BMP5: variants seen among roughly 807,000 people sequenced by gnomAD.
BMP5 encodes bone morphogenetic protein 5.
Under a neutral mutation model 46.6 loss-of-function variants are expected in BMP5, and 23 were observed. The ratio of observed to expected loss-of-function variants is 0.49; its 90% CI spans 0.35 to 0.70. The LOEUF is 0.70. Ranked by LOEUF, BMP5 falls within the 30% of genes least tolerant of loss-of-function variation. The pLI, the probability that BMP5 is intolerant of heterozygous loss-of-function variation, is 0.00. For missense variants in BMP5, 545 were observed against 565.6 expected, an observed-to-expected ratio of 0.96 and a Z score of 0.37; for synonymous variants, 204 against 191.9, an observed-to-expected ratio of 1.06 and a Z score of -0.52.
intron 3 of BMP5, among the ~76,000 whole-genome samples, chr6:55,792,349 C>T (rs1775591413): frequency 6.6e-6 from 1 of 151,870 alleles, no homozygotes; most frequent in Non-Finnish European, 1.5e-5. Context: ...CTGGCTAACA[C>T]GGTGAAACCC....
chr6:55,811,673 C>T (rs1442199721), intron 2 of BMP5, among the ~76,000 whole-genome samples: 5 of 151,606 alleles, frequency 3.3e-5, no homozygotes, highest in African/African-American at 9.7e-5. Context: ...CTCCCTCCTT[C>T]CCTCTCTCTT....
At chr6:55,803,334 A>G (rs1775900687) in intron 2 of BMP5, among the ~76,000 whole-genome samples, 1 of 152,084 alleles carries the variant, frequency 6.6e-6, no homozygotes, top group Admixed American at 6.6e-5. Flanking sequence ...AACAGGAAGA[A>G]GTTATGAATG....
intron 1 of BMP5, among the ~76,000 whole-genome samples, chr6:55,848,868 C>T (rs1179190012): frequency 6.6e-6 from 1 of 151,948 alleles, no homozygotes; most frequent in Non-Finnish European, 1.5e-5. Context: ...TTCATTTAGT[C>T]CAAATATGAT....
At chr6:55,769,016 A>G (rs1293667863) in intron 4 of BMP5, among the ~76,000 whole-genome samples, 1 of 152,000 alleles carries the variant, frequency 6.6e-6, no homozygotes, top group Non-Finnish European at 1.5e-5. Flanking sequence ...AATGCTAGTG[A>G]TCATCTGAGT....
chr6:55,836,446 T>C (rs1020804261), intron 1 of BMP5, among the ~76,000 whole-genome samples: 5 of 152,162 alleles, frequency 3.3e-5, no homozygotes, highest in African/African-American at 1.2e-4. Context: ...GGTTTAAATC[T>C]AGAAGTCCAG....
chr6:55,776,081 T>A (rs1356834003), intron 3 of BMP5, among the ~76,000 whole-genome samples: 1 of 151,992 alleles, frequency 6.6e-6, no homozygotes, highest in African/African-American at 2.4e-5. Flanking sequence ...GACTTACAAA[T>A]AATCAAAGCA....
At position 55,874,916 on chromosome 6, in the gene BMP5, A is replaced by G. The variant is rs1200792342; in HGVS notation, c.-51T>C. ...TTTTTAGTCCTTCTTGTCCTCTTAA[A>G]AAAAAAAAAAACCTAAGGTTCTAGG... is the stretch of plus-strand genomic sequence containing the variant. On this transcript the variant is annotated 5_prime_UTR_variant, in exon 1 of 7. Transcript: ENST00000370830. 3.8e-6 allele frequency: 6 copies of G among 1,572,430 alleles called. No homozygotes were observed. In the Admixed American group the frequency reaches 6.0e-5, roughly 16 times the overall value.
intron 2 of BMP5, among the ~76,000 whole-genome samples, chr6:55,816,825 G>C (rs771450529): frequency 1.3e-5 from 2 of 152,074 alleles, no homozygotes; most frequent in Non-Finnish European, 2.9e-5. Flanking sequence ...GTGTGTGTGT[G>C]TGTGTGTGTT....
At chr6:55,863,164 A>G (rs73450204) in intron 1 of BMP5, among the ~76,000 whole-genome samples, 2,196 of 152,324 alleles carry the variant, frequency 0.014, 51 homozygotes, top group African/African-American at 0.049. Flanking sequence ...TCCAGTTTCC[A>G]TAGATGTGTG....
At chr6:55,779,920 T>C (rs912509413) in intron 3 of BMP5, among the ~76,000 whole-genome samples, 2 of 152,124 alleles carry the variant, frequency 1.3e-5, no homozygotes, top group African/African-American at 4.8e-5. Flanking sequence ...TTAAACTATT[T>C]TTTAAGTATT....
At chr6:55,810,357 A>C (rs1163937304) in intron 2 of BMP5, among the ~76,000 whole-genome samples, 1 of 152,204 alleles carries the variant, frequency 6.6e-6, no homozygotes, top group Non-Finnish European at 1.5e-5. Context: ...AAAAAGTTGG[A>C]ATCTCACTAA....
intron 2 of BMP5, among the ~76,000 whole-genome samples, chr6:55,814,295 C>T (rs866011646): frequency 6.6e-6 from 1 of 151,854 alleles, no homozygotes; most frequent in South Asian, 2.1e-4. Context: ...CAATTTTTTG[C>T]CATTATGTAT....
chr6:55,770,836 T>C (rs994050702), intron 4 of BMP5, among the ~76,000 whole-genome samples: 3 of 151,922 alleles, frequency 2.0e-5, no homozygotes, highest in African/African-American at 7.2e-5. Flanking sequence ...GGGAAAGAGA[T>C]GGGGTAATGA....
chr6:55,836,063 C>T (rs1381858220), intron 1 of BMP5, among the ~76,000 whole-genome samples: 1 of 152,020 alleles, frequency 6.6e-6, no homozygotes, highest in Non-Finnish European at 1.5e-5. Context: ...CTACCTAGCT[C>T]AATTTTCCCA....
rs1317684819 is a variant in BMP5, at chr6:55,754,097, C to T, written c.*1436G>A. On this transcript the variant is annotated 3_prime_UTR_variant, in exon 7 of 7. Transcript: ENST00000370830. ...CATTTTTGAAGACATTTTTGGTATA[C>T]GTTTGGTTTGAAAGATCCAAAAGGA... The T allele has an allele frequency of 4.0e-5, 6 of 151,824 alleles. No individual in the cohort carries two copies. Among genetic ancestry groups the T allele is most frequent in the Non-Finnish European group, 4.4e-5 (3 of 67,890 alleles). 9.4% of individuals were successfully genotyped at this position (151,824 alleles called of 1,614,324 possible).
intron 1 of BMP5, among the ~76,000 whole-genome samples, chr6:55,866,655 C>A (rs1249736155): frequency 6.6e-6 from 1 of 152,122 alleles, no homozygotes; most frequent in Non-Finnish European, 1.5e-5. Flanking sequence ...TTGGCAATTG[C>A]AGTCCGCAGT....
In BMP5 at chr6:55,774,178, A is replaced by G; in HGVS notation, c.898T>C (p.Phe300Leu). The change falls in exon 4 of 7, where the codon TTC (phenylalanine) becomes CTC (leucine). Residue 300 changes from phenylalanine (F) to leucine (L), a missense_variant. Transcript: ENST00000370830. ...CTCGCCTTGAAGAAGGCCACCATGA[A>G]TGGTTGTTTTGACTGAGGTCCCTGT... is the stretch of plus-strand genomic sequence containing the variant. The part of the protein sequence containing the change: ...GRQGPQSKQP[F>L]MVAFFKASEV... The G allele has an allele frequency of 6.2e-7, 1 of 1,613,134 alleles. No homozygotes were observed.
chr6:55,829,359 ATT>A (rs113928869), intron 1 of BMP5, among the ~76,000 whole-genome samples: 2 of 150,596 alleles, frequency 1.3e-5, no homozygotes, highest in Admixed American at 6.7e-5. Context: ...TTTTTTTCAG[ATT>A]TTTTTTTATT....
chr6:55,766,129 T>A (rs962571983), intron 4 of BMP5, among the ~76,000 whole-genome samples: 12 of 152,174 alleles, frequency 7.9e-5, no homozygotes, highest in African/African-American at 2.9e-4. Flanking sequence ...ATTTCACTAT[T>A]TAATCTAGGT....
Sources: gnomAD v4.1 joint callset for allele counts (sites outside exome capture counted in the v4.1 genomes callset) on GRCh38, gnomAD v4.1.1 for gene constraint, MANE v1.5 for transcripts, NCBI Gene and HGNC (gene_info 2026-07-23, HGNC 2026-07-21) for gene names.